Variants in ARHGAP15 observed in about 807,000 individuals in gnomAD.
ARHGAP15 encodes the protein Rho GTPase activating protein 15, also known as rho GTPase-activating protein 15.
Under a neutral mutation model 63.7 loss-of-function variants are expected in ARHGAP15, and 51 were observed. That is an observed-to-expected ratio of 0.80 (90% CI 0.64 to 1.01). The LOEUF (loss-of-function observed/expected upper bound fraction) is 1.01. Among genes scored for constraint, ARHGAP15 ranks in the 50% least tolerant of loss-of-function variants. The pLI, the probability that ARHGAP15 is intolerant of heterozygous loss-of-function variation, is 0.00. For synonymous variants in ARHGAP15, 191 were observed against 193.8 expected, an observed-to-expected ratio of 0.99 and a Z score of 0.12; for missense variants, 560 against 564.6, an observed-to-expected ratio of 0.99 and a Z score of 0.08.
chr2:143,211,214 G>A (rs1401280630), intron 3 of ARHGAP15, among the ~76,000 whole-genome samples: 1 of 151,818 alleles, frequency 6.6e-6, no homozygotes, highest in Non-Finnish European at 1.5e-5. Flanking sequence ...GAAAATGTAA[G>A]CAATGAGTTC....
chr2:143,323,794 G>C (rs1309320964), intron 6 of ARHGAP15, among the ~76,000 whole-genome samples: 2 of 147,924 alleles, frequency 1.4e-5, no homozygotes, highest in African/African-American at 5.0e-5. Context: ...TCGGGAGGCT[G>C]AGGCCAGAGA....
Position 143,527,668 on chromosome 2 carries a change from A to G in ARHGAP15, c.925+8304A>G, listed in dbSNP as rs373489210. 9.2e-5 allele frequency among the ~76,000 whole-genome samples: 14 copies of G among 152,086 alleles called. No individual in the cohort carries two copies. The East Asian group carries it at 2.5e-3, about 27-fold the overall frequency. On this transcript the variant is annotated intron_variant, in intron 10 of 13. Transcript: ENST00000295095. ...TGTCCTATATCTAGGGTGTAAGTATATCTTATAGAAGAAAAATATTTAAAA... is the reference window on the plus strand; with the variant it reads ...TGTCCTATATCTAGGGTGTAAGTATGTCTTATAGAAGAAAAATATTTAAAA...
chr2:143,360,084 A>T (rs1685974344), intron 6 of ARHGAP15, among the ~76,000 whole-genome samples: 1 of 152,138 alleles, frequency 6.6e-6, no homozygotes, highest in African/African-American at 2.4e-5. Context: ...TTCCTATAAA[A>T]TCACATTTCA....
chr2:143,624,723 A>T (rs1698771402), intron 12 of ARHGAP15, among the ~76,000 whole-genome samples: 2 of 152,112 alleles, frequency 1.3e-5, no homozygotes, highest in Admixed American at 1.3e-4. Flanking sequence ...CTCTTGGTTC[A>T]CTCACCCTTC....
At position 143,155,541 on chromosome 2, in the gene ARHGAP15, C is replaced by T; in HGVS notation, c.51C>T (p.Thr17=). 4 of 1,609,118 alleles carry T rather than the reference C, an allele frequency of 2.5e-6. No homozygotes were observed. Among genetic ancestry groups the T allele is most frequent in the Non-Finnish European group, 3.4e-6 (4 of 1,177,834 alleles). ...CTTCCGTGGAAACACTGAATTCTAC[C>T]CGCCAAGGCACAGGAGCTGTGCAAA... ...SDTSVETLNS[T]RQGTGAVQMR... The change falls in exon 2 of 14, where the codon ACC becomes ACT. Residue 17 remains threonine, a synonymous_variant. Transcript: ENST00000295095.
At chr2:143,324,643 C>T (rs1366574430) in intron 6 of ARHGAP15, among the ~76,000 whole-genome samples, 5 of 149,540 alleles carry the variant, frequency 3.3e-5, no homozygotes, top group Admixed American at 6.6e-5. Flanking sequence ...CATAATCTTA[C>T]GTTCAGATTT....
chr2:143,338,506 A>C (rs935453643), intron 6 of ARHGAP15, among the ~76,000 whole-genome samples: 1 of 152,192 alleles, frequency 6.6e-6, no homozygotes, highest in African/African-American at 2.4e-5. Flanking sequence ...CAATCTCTCC[A>C]ACAAATAGAA....
intron 4 of ARHGAP15, among the ~76,000 whole-genome samples, chr2:143,226,403 G>A (rs1693214355): frequency 6.6e-6 from 1 of 152,166 alleles, no homozygotes; most frequent in Non-Finnish European, 1.5e-5. Flanking sequence ...AAATATAATA[G>A]GTAGGTTAAA....
At chr2:143,337,740 A>T (rs1684871173) in intron 6 of ARHGAP15, among the ~76,000 whole-genome samples, 2 of 151,246 alleles carry the variant, frequency 1.3e-5, no homozygotes, top group Non-Finnish European at 3.0e-5. Flanking sequence ...TATCAAACAT[A>T]AAAAAAAAGT....
At chr2:143,626,440 G>T (rs1698837670) in intron 12 of ARHGAP15, among the ~76,000 whole-genome samples, 1 of 152,146 alleles carries the variant, frequency 6.6e-6, no homozygotes. Flanking sequence ...TGGAGCCGTA[G>T]ACCTTCTAGG....
chr2:143,367,861 A>G (rs1160703842), intron 6 of ARHGAP15, among the ~76,000 whole-genome samples: 1 of 152,042 alleles, frequency 6.6e-6, no homozygotes, highest in African/African-American at 2.4e-5. Context: ...CTTTACAGCC[A>G]TACTATAGGG....
rs547277163 is a variant in ARHGAP15, at chr2:143,279,077, C to G, written c.474+28477C>G. Among the ~76,000 whole-genome samples, 31 of 152,258 alleles carry G rather than the reference C, an allele frequency of 2.0e-4. 1 individual carries two copies. The highest frequency in any genetic ancestry group is 6.7e-4 in the African/African-American group (28 of 41,550). ...TCAGCTAATAATACCTGCCCCCTAT[C>G]TACCTCTCTGGGAAGCTGGGAGGAT... On this transcript the variant is annotated intron_variant, in intron 6 of 13. Transcript: ENST00000295095.
At chr2:143,673,758 G>GTGTGTGTGTGTA (rs1553520615) in intron 12 of ARHGAP15, among the ~76,000 whole-genome samples, 3 of 22,128 alleles carry the variant, frequency 1.4e-4, no homozygotes, top group African/African-American at 2.4e-4. Flanking sequence ...GTGTGTGTGT[G>GTGTGTGTGTGTA]TATATATATA....
At chr2:143,210,013 TC>T (rs2105130754) in intron 3 of ARHGAP15, among the ~76,000 whole-genome samples, 1 of 152,270 alleles carries the variant, frequency 6.6e-6, no homozygotes, top group African/African-American at 2.4e-5. Flanking sequence ...AATCCTTTCT[TC>T]CCCACTGCCT....
intron 12 of ARHGAP15, among the ~76,000 whole-genome samples, chr2:143,669,375 G>C (rs1274611046): frequency 1.3e-5 from 2 of 152,178 alleles, no homozygotes; most frequent in Non-Finnish European, 2.9e-5. Context: ...CCTATACCAA[G>C]ATGGAACCCA....
chr2:143,385,126 A>AG (rs752939167), intron 6 of ARHGAP15, among the ~76,000 whole-genome samples: 11 of 151,950 alleles, frequency 7.2e-5, no homozygotes, highest in Non-Finnish European at 1.3e-4. Flanking sequence ...AACCACAGTG[A>AG]GGGAATAGAG....
chr2:143,274,824 T>C (rs1681463584), intron 6 of ARHGAP15, among the ~76,000 whole-genome samples: 1 of 152,048 alleles, frequency 6.6e-6, no homozygotes, highest in Non-Finnish European at 1.5e-5. Context: ...TAACTGAAAA[T>C]GTCACAATGA....
intron 12 of ARHGAP15, among the ~76,000 whole-genome samples, chr2:143,629,529 G>A (rs1698981457): frequency 1.3e-5 from 2 of 152,096 alleles, no homozygotes; most frequent in Admixed American, 6.6e-5. Context: ...AGGCCTGCAG[G>A]GGTCCAGACA....
At chr2:143,395,114 T>G (rs1687703102) in intron 6 of ARHGAP15, among the ~76,000 whole-genome samples, 1 of 152,122 alleles carries the variant, frequency 6.6e-6, no homozygotes, top group Non-Finnish European at 1.5e-5. Flanking sequence ...GTGAATAATA[T>G]AATAATTTTA....
Sources: allele counts gnomAD v4.1 joint callset (sites outside exome capture counted in the v4.1 genomes callset), GRCh38; gene constraint gnomAD v4.1.1; transcripts MANE v1.5; gene names NCBI Gene and HGNC (gene_info 2026-07-23, HGNC 2026-07-21).